Variants in RASSF5 observed in about 807,000 individuals in gnomAD.
RASSF5 encodes ras association domain-containing protein 5.
A neutral mutation model predicts 40.5 loss-of-function variants in RASSF5; 25 were observed. The ratio of observed to expected loss-of-function variants is 0.62; its 90% CI spans 0.45 to 0.86. The LOEUF (loss-of-function observed/expected upper bound fraction) is 0.86. RASSF5 is among the 40% of genes least tolerant of loss of function. The pLI is 0.00. For missense variants in RASSF5, 521 were observed against 572.8 expected, an observed-to-expected ratio of 0.91 and a Z score of 0.92; for synonymous variants, 246 against 252.4, an observed-to-expected ratio of 0.97 and a Z score of 0.24.
intron 1 of RASSF5, among the ~76,000 whole-genome samples, chr1:206,534,474 C>T (rs1212285545): frequency 2.6e-5 from 4 of 152,172 alleles, no homozygotes; most frequent in Non-Finnish European, 4.4e-5. Context: ...CTCTTGTTTG[C>T]AAGATCCTTG....
chr1:206,536,369 C>T (rs1667393403), intron 1 of RASSF5, among the ~76,000 whole-genome samples: 2 of 152,164 alleles, frequency 1.3e-5, no homozygotes, highest in Non-Finnish European at 2.9e-5. Flanking sequence ...GTGAAGGTTC[C>T]AGACACTGTT....
At chr1:206,545,341 TTG>T (rs1667653590) in intron 2 of RASSF5, among the ~76,000 whole-genome samples, 2 of 115,760 alleles carry the variant, frequency 1.7e-5, no homozygotes, top group East Asian at 2.8e-4. Flanking sequence ...TAGGAATTTC[TTG>T]TGTTTTTTTT....
chr1:206,557,745 G>A, intron 2 of RASSF5: 1 of 1,590,698 alleles, frequency 6.3e-7, no homozygotes, highest in Non-Finnish European at 8.6e-7. Context: ...AATAACCTCT[G>A]TGGTCAATCT....
chr1:206,510,201 T>C (rs1558493221), intron 1 of RASSF5, among the ~76,000 whole-genome samples: 16 of 152,132 alleles, frequency 1.1e-4, no homozygotes. Flanking sequence ...GATTCCATGG[T>C]GAGGTTGCTT....
chr1:206,519,237 C>G (rs1179508268), intron 1 of RASSF5, among the ~76,000 whole-genome samples: 1 of 152,130 alleles, frequency 6.6e-6, no homozygotes. Context: ...ATCCCATGCC[C>G]CTTTTCCAAT....
chr1:206,537,016 C>A (rs532987608), intron 1 of RASSF5, among the ~76,000 whole-genome samples: 2 of 152,142 alleles, frequency 1.3e-5, no homozygotes, highest in African/African-American at 4.8e-5. Context: ...GTCTTCACTA[C>A]CCCCCACCCC....
intron 5 of RASSF5, 164 bp from the exon 6 acceptor site, chr1:206,586,662 T>G (rs946598339): frequency 2.0e-5 from 13 of 637,482 alleles, no homozygotes; most frequent in Non-Finnish European, 3.0e-5. Flanking sequence ...ATGACAGGCA[T>G]GCAAAGCCCA....
intron 2 of RASSF5, chr1:206,541,686 A>G (rs1287673234): frequency 1.3e-5 from 2 of 152,212 alleles, no homozygotes; most frequent in African/African-American, 4.8e-5. Flanking sequence ...CTCATTTGCT[A>G]AGGAACATCA....
intron 2 of RASSF5, chr1:206,541,613 C>T (rs1420594962): frequency 2.6e-5 from 4 of 152,180 alleles, no homozygotes; most frequent in Non-Finnish European, 4.4e-5. Context: ...TTTCCTTGGG[C>T]ACCCATGCGT....
intron 1 of RASSF5, among the ~76,000 whole-genome samples, chr1:206,527,381 C>T (rs1667123229): frequency 6.6e-6 from 1 of 152,108 alleles, no homozygotes; most frequent in Non-Finnish European, 1.5e-5. Flanking sequence ...GGCTGAGAGC[C>T]TGCTGTCTTG....
chr1:206,551,603 G>C (rs1553401046), intron 2 of RASSF5, among the ~76,000 whole-genome samples: 2 of 152,224 alleles, frequency 1.3e-5, no homozygotes. Context: ...TTTCTGATTA[G>C]GCAGAATGGA....
intron 2 of RASSF5, among the ~76,000 whole-genome samples, chr1:206,580,228 C>T (rs1553405990): frequency 6.6e-6 from 1 of 152,180 alleles, no homozygotes; most frequent in African/African-American, 2.4e-5. Flanking sequence ...CTTTGCTTCT[C>T]ACTGTATTCA....
intron 2 of RASSF5, among the ~76,000 whole-genome samples, chr1:206,581,996 C>T (rs1217765927): frequency 1.3e-5 from 2 of 152,184 alleles, no homozygotes; most frequent in Non-Finnish European, 2.9e-5. Flanking sequence ...AGAGTCATCC[C>T]TCACTGGGCC....
Position 206,584,580 on chromosome 1 carries a change from C to A in RASSF5, c.884C>A (p.Thr295Asn), listed in dbSNP as rs1553407144. The change falls in exon 4 of 6, where the codon ACC (threonine) becomes AAC (asparagine). Residue 295 changes from threonine to asparagine, a missense_variant. Thr to Asn is a moderately conservative substitution (Grantham distance 65). Coordinates refer to ENST00000579436, the MANE Select transcript of RASSF5 (RefSeq NM_182663.4). This position sits in a 1 kb window ranked among gnomAD's most constrained non-coding sequence, Gnocchi z 4.9. ...ATCAAGCAGCTGCACATCAGCAGCACCACCACCGTCAGTGAGGTCATCCAG... is the reference window on the plus strand; with the variant it reads ...ATCAAGCAGCTGCACATCAGCAGCAACACCACCGTCAGTGAGGTCATCCAG... Reference protein sequence around the residue: ...DAIKQLHISSTTTVSEVIQGL... With the variant: ...DAIKQLHISSNTTVSEVIQGL... 6.2e-7 allele frequency: 1 copy of A among 1,614,216 alleles called. No homozygotes were observed. The highest frequency in any genetic ancestry group is 1.7e-5 in the Admixed American group (1 of 60,022).
intron 1 of RASSF5, among the ~76,000 whole-genome samples, chr1:206,522,514 G>T (rs1666934554): frequency 6.6e-6 from 1 of 152,166 alleles, no homozygotes; most frequent in Non-Finnish European, 1.5e-5. Flanking sequence ...TGAGGAATGA[G>T]GTCCATTTGG....
chr1:206,520,288 C>T (rs574981475), intron 1 of RASSF5, among the ~76,000 whole-genome samples: 1 of 152,338 alleles, frequency 6.6e-6, no homozygotes, highest in Non-Finnish European at 1.5e-5. Context: ...ACTCCATGAG[C>T]AGCCTGGAGT....
chr1:206,557,070 C>G, intron 2 of RASSF5: 1 of 926,826 alleles, frequency 1.1e-6, no homozygotes, highest in Non-Finnish European at 1.3e-6. Flanking sequence ...CACTTGCCAC[C>G]GGGGGCGGGT....
rs1669255995 is a variant in RASSF5 at position 206,589,116 on chromosome 1, G to A, written c.*2138G>A. On this transcript the variant is annotated 3_prime_UTR_variant, in exon 6 of 6. Coordinates refer to ENST00000579436, the MANE Select transcript of RASSF5 (RefSeq NM_182663.4). ...AAACCTCTGAAAAAAGTATAGTATC[G>A]AGTACCCGTTCCCTCCCAGAGGTGG... The A allele has an allele frequency of 1.3e-5, 2 of 152,680 alleles. No homozygotes were observed. The highest frequency in any genetic ancestry group is 4.8e-5 in the African/African-American group (2 of 41,416). 9.5% of individuals were successfully genotyped at this position (152,680 alleles called of 1,614,324 possible). A position where few individuals can be genotyped will look rare whatever the true frequency, so the allele number is the denominator to read the frequency against.
chr1:206,564,815 A>T (rs1668240933), intron 2 of RASSF5, among the ~76,000 whole-genome samples: 1 of 152,198 alleles, frequency 6.6e-6, no homozygotes, highest in Non-Finnish European at 1.5e-5. Flanking sequence ...GATGAGATAA[A>T]GTGCCACGAA....
Sources: gnomAD v4.1 joint callset for allele counts (sites outside exome capture counted in the v4.1 genomes callset) on GRCh38, gnomAD v4.1.1 for gene constraint, Gnocchi (gnomAD v3.1) non-coding constraint, MANE v1.5 for transcripts, NCBI Gene and HGNC (gene_info 2026-07-23, HGNC 2026-07-21) for gene names.